Variants in PEAK1 observed in about 807,000 individuals in gnomAD.
The protein encoded by PEAK1 is pseudopodium enriched atypical kinase 1.
A neutral mutation model predicts 124.7 loss-of-function variants in PEAK1; 54 were observed. The ratio of observed to expected loss-of-function variants is 0.43; its 90% CI spans 0.35 to 0.54. The LOEUF (loss-of-function observed/expected upper bound fraction) is 0.54. PEAK1 is among the 20% of genes least tolerant of loss of function. The pLI is 0.01. For missense variants in PEAK1, 2,046 were observed against 2,134.5 expected (o/e 0.96, Z 0.82); for synonymous variants, 719 against 760.0 (o/e 0.95, Z 0.89).
chr15:77,265,068 C>T (rs2061646746), intron 5 of PEAK1, among the ~76,000 whole-genome samples: 1 of 152,256 alleles, frequency 6.6e-6, no homozygotes, highest in Non-Finnish European at 1.5e-5. Flanking sequence ...AAAGCTGAAA[C>T]TGGATCCCTT....
At chr15:77,200,791 G>A (rs530915128) in intron 6 of PEAK1, among the ~76,000 whole-genome samples, 1 of 152,102 alleles carries the variant, frequency 6.6e-6, no homozygotes, top group East Asian at 1.9e-4. Context: ...ATGTTAGCAG[G>A]TGATTGTTTC....
At chr15:77,174,726 T>C (rs1328455794) in intron 7 of PEAK1, among the ~76,000 whole-genome samples, 1 of 152,178 alleles carries the variant, frequency 6.6e-6, no homozygotes, top group Non-Finnish European at 1.5e-5. Context: ...ACCAATGACT[T>C]TCTTCACAGA....
chr15:77,180,897 G>A lies in PEAK1; in HGVS notation c.1030C>T (p.Pro344Ser), dbSNP rs765352358. The A allele has an allele frequency of 3.7e-6, 6 of 1,614,008 alleles. No individual in the cohort carries two copies. In the South Asian group the frequency reaches 6.6e-5, roughly 18 times the overall value. Reference protein sequence around the residue: ...QSMVSSDSTSPDSSLTEESRS... With the variant: ...QSMVSSDSTSSDSSLTEESRS... ...GATTCTTCTGTTAAAGAAGAATCTG[G>A]TGATGTGGAGTCAGATGACACCATG... The change falls in exon 7 of 10, where the codon CCA (proline) becomes TCA (serine). Residue 344 changes from proline to serine, a missense_variant. By Grantham distance (74) the Pro-to-Ser change is moderately conservative (BLOSUM62 -1). Coordinates refer to ENST00000682557, the MANE Select transcript of PEAK1 (RefSeq NM_001385026.1).
intron 2 of PEAK1, among the ~76,000 whole-genome samples, chr15:77,306,646 G>C (rs2064121633): frequency 6.6e-6 from 1 of 152,002 alleles, no homozygotes; most frequent in Non-Finnish European, 1.5e-5. Context: ...TTTTGTCTCG[G>C]CTGCTTTCCT....
At chr15:77,316,525 C>T (rs1326524980) in intron 2 of PEAK1, among the ~76,000 whole-genome samples, 1 of 152,182 alleles carries the variant, frequency 6.6e-6, no homozygotes, top group African/African-American at 2.4e-5. Context: ...CTGTACTGCT[C>T]TTTCCTAGTG....
rs1323346974 is a variant in PEAK1 at position 77,182,086 on chromosome 15, T to A, written c.-114-46A>T. On this transcript the variant is annotated intron_variant, in intron 6 of 9. Transcript: ENST00000682557. ...CAAAAAATCTGAATGAAAAAGGCAC[T>A]ATGAGACTTACCATTATTAGTGACT... is the stretch of plus-strand genomic sequence containing the variant. The A allele has an allele frequency of 2.2e-6, 3 of 1,336,658 alleles. No homozygotes were observed. The African/African-American group carries it at 4.4e-5, about 20-fold the overall frequency. 82.8% of individuals were successfully genotyped at this position (1,336,658 alleles called of 1,614,324 possible). A position where few individuals can be genotyped will look rare whatever the true frequency, so the allele number is the denominator to read the frequency against.
intron 2 of PEAK1, among the ~76,000 whole-genome samples, chr15:77,361,080 T>C (rs1346287192): frequency 1.3e-5 from 2 of 152,090 alleles, no homozygotes; most frequent in African/African-American, 2.4e-5. Context: ...AGTGAAAAGA[T>C]AGCCTGTAGA....
chr15:77,321,234 T>C (rs1470654852), intron 2 of PEAK1, among the ~76,000 whole-genome samples: 2 of 152,332 alleles, frequency 1.3e-5, no homozygotes, highest in African/African-American at 2.4e-5. Flanking sequence ...GGCATCGCCA[T>C]ACTGACTTCC....
chr15:77,164,522 T>C (rs1286773794), intron 7 of PEAK1, among the ~76,000 whole-genome samples: 1 of 152,150 alleles, frequency 6.6e-6, no homozygotes. Flanking sequence ...ATTAAAAGTG[T>C]CTTTAAGGCA....
chr15:77,290,124 C>T (rs2063140981), intron 2 of PEAK1, among the ~76,000 whole-genome samples: 1 of 151,796 alleles, frequency 6.6e-6, no homozygotes, highest in African/African-American at 2.4e-5. Context: ...CCTTGCATCA[C>T]ACCCAGCTAA....
Position 77,271,796 on chromosome 15 carries a change from G to A in PEAK1, c.-275+12087C>T, listed in dbSNP as rs139851706. Reference sequence around the variant, plus strand: ...CGGCCTGTTGTGGGGTGGGAGGAGCGGGGAGGGATAGCATTAGGAGACATA... The same window carrying A: ...CGGCCTGTTGTGGGGTGGGAGGAGCAGGGAGGGATAGCATTAGGAGACATA... On this transcript the variant is annotated intron_variant, in intron 5 of 9. Transcript: ENST00000682557. Among the ~76,000 whole-genome samples, 67 of 152,248 alleles carry A rather than the reference G, an allele frequency of 4.4e-4. No homozygotes were observed. In the East Asian group the frequency reaches 7.9e-3, roughly 18 times the overall value.
intron 5 of PEAK1, among the ~76,000 whole-genome samples, chr15:77,281,961 A>C (rs2062697519): frequency 6.6e-6 from 1 of 152,214 alleles, no homozygotes; most frequent in South Asian, 2.1e-4. Flanking sequence ...CAAATACAGC[A>C]TGAAGAAATA....
chr15:77,125,512 G>A (rs577284821), intron 9 of PEAK1, among the ~76,000 whole-genome samples: 21 of 152,004 alleles, frequency 1.4e-4, no homozygotes, highest in Admixed American at 3.9e-4. Context: ...GTGTGTGTGT[G>A]TATATATATC....
At chr15:77,389,641 A>C (rs981101988) in intron 1 of PEAK1, among the ~76,000 whole-genome samples, 2 of 152,204 alleles carry the variant, frequency 1.3e-5, no homozygotes, top group African/African-American at 2.4e-5. Context: ...CTTCAACTCA[A>C]GGACAGAGTA....
At chr15:77,380,232 T>A (rs925046447) in intron 1 of PEAK1, among the ~76,000 whole-genome samples, 3 of 152,110 alleles carry the variant, frequency 2.0e-5, no homozygotes, top group Non-Finnish European at 4.4e-5. Flanking sequence ...TGGTAATCAA[T>A]AATACACGCT....
chr15:77,261,707 T>C (rs1318689326), intron 5 of PEAK1, among the ~76,000 whole-genome samples: 1 of 152,156 alleles, frequency 6.6e-6, no homozygotes, highest in East Asian at 1.9e-4. Flanking sequence ...CCAGGAGAAC[T>C]TCCCCAATCT....
chr15:77,402,105 G>A lies in PEAK1; in HGVS notation c.-666+17901C>T, dbSNP rs552773370. The A allele has an allele frequency of 4.1e-5, 36 of 879,946 alleles. No individual in the cohort carries two copies. The East Asian group carries it at 1.8e-3, about 45-fold the overall frequency. 54.5% of individuals were successfully genotyped at this position (879,946 alleles called of 1,614,324 possible). ...TCCCAGCTACTATGGTGGCTGAGAC[G>A]GGATAATTGTTTCAACCCGGGAGGC... is the stretch of plus-strand genomic sequence containing the variant. On this transcript the variant is annotated intron_variant, in intron 1 of 9. Coordinates refer to ENST00000682557, the MANE Select transcript of PEAK1 (RefSeq NM_001385026.1).
chr15:77,287,801 G>T (rs1471388114), intron 2 of PEAK1, among the ~76,000 whole-genome samples: 1 of 152,146 alleles, frequency 6.6e-6, no homozygotes, highest in African/African-American at 2.4e-5. Flanking sequence ...CCTAAAATCT[G>T]TTCCTTTTTA....
At chr15:77,321,374 T>C (rs887245466) in intron 2 of PEAK1, among the ~76,000 whole-genome samples, 3 of 152,234 alleles carry the variant, frequency 2.0e-5, no homozygotes, top group African/African-American at 7.2e-5. Flanking sequence ...AGATGGTATC[T>C]CCTTGTGGTT....
Sources: gnomAD v4.1 joint callset for allele counts (sites outside exome capture counted in the v4.1 genomes callset) on GRCh38, gnomAD v4.1.1 for gene constraint, MANE v1.5 for transcripts, NCBI Gene and HGNC (gene_info 2026-07-23, HGNC 2026-07-21) for gene names.